The following NCF2 variants were observed in gnomAD, a reference collection of about 807,000 sequenced individuals.
The protein encoded by NCF2 is neutrophil cytosol factor 2.
A neutral mutation model predicts 70.9 loss-of-function variants in NCF2; 45 were observed. That is an observed-to-expected ratio of 0.63 (90% CI 0.50 to 0.81). The LOEUF (loss-of-function observed/expected upper bound fraction) is 0.81, where lower values mean the gene tolerates loss of function less well. Among genes scored for constraint, NCF2 ranks in the 40% least tolerant of loss-of-function variants. The pLI, the probability that NCF2 is intolerant of heterozygous loss-of-function variation, is 0.00. For synonymous variants in NCF2, 203 were observed against 233.6 expected, an observed-to-expected ratio of 0.87 and a Z score of 1.19; for missense variants, 522 against 631.6, an observed-to-expected ratio of 0.83 and a Z score of 1.86.
At chr1:183,573,162 G>C (rs773499272) in intron 5 of NCF2, 23 bp downstream of exon 5, 73 of 1,608,574 alleles carry the variant, frequency 4.5e-5, no homozygotes, top group Non-Finnish European at 6.1e-5. Context: ...GAGACTCAGG[G>C]GAAGCTGAGC....
At chr1:183,580,983 A>G (rs1362820876) in intron 2 of NCF2, among the ~76,000 whole-genome samples, 1 of 151,550 alleles carries the variant, frequency 6.6e-6, no homozygotes, top group Non-Finnish European at 1.5e-5. Flanking sequence ...CAACTCAAAA[A>G]AAAAAAAAAG....
intron 2 of NCF2, among the ~76,000 whole-genome samples, chr1:183,584,324 G>C (rs1558105357): frequency 1.3e-5 from 2 of 152,198 alleles, no homozygotes; most frequent in Non-Finnish European, 2.9e-5. Flanking sequence ...AACTTCAAAG[G>C]GAATACCAAC....
chr1:183,590,503 C>G (rs967992478), upstream of NCF2: 41 of 723,966 alleles, frequency 5.7e-5, no homozygotes, highest in Non-Finnish European at 9.3e-5. Flanking sequence ...GTTGCAAATG[C>G]ATCAGGAAAT....
At chr1:183,592,171 T>C (rs1673683482), upstream of NCF2, among the ~76,000 whole-genome samples, 1 of 152,104 alleles carries the variant, frequency 6.6e-6, no homozygotes, top group African/African-American at 2.4e-5. Context: ...TCACCAAGCT[T>C]CCCCTAAAAG....
intron 2 of NCF2, among the ~76,000 whole-genome samples, chr1:183,582,186 T>A (rs1673148769): frequency 6.6e-6 from 1 of 152,212 alleles, no homozygotes. Flanking sequence ...TGTGTGCCAG[T>A]GGGCCGTGCT....
chr1:183,601,763 C>T, the NCF2 span, among the ~76,000 whole-genome samples: 3 of 150,024 alleles, frequency 2.0e-5, no homozygotes, highest in Admixed American at 1.3e-4. Context: ...GAGGCTGAGG[C>T]AGAAGAATGG....
At chr1:183,580,491 C>G (rs1673009733) in intron 2 of NCF2, among the ~76,000 whole-genome samples, 1 of 152,114 alleles carries the variant, frequency 6.6e-6, no homozygotes, top group Non-Finnish European at 1.5e-5. Flanking sequence ...GTTCTATTGC[C>G]TGTTTGGGAG....
At chr1:183,557,697 A>G (rs1273111131) in intron 14 of NCF2, among the ~76,000 whole-genome samples, 2 of 152,032 alleles carry the variant, frequency 1.3e-5, no homozygotes, top group African/African-American at 2.4e-5. Context: ...ATCTACCCAA[A>G]AGGTTGTTTT....
At position 183,564,012 on chromosome 1, in the gene NCF2, T is replaced by C; in HGVS notation, c.1019A>G (p.Glu340Gly). The C allele has an allele frequency of 6.2e-7, 1 of 1,610,996 alleles. No homozygotes were observed. Among genetic ancestry groups the C allele is most frequent in the Non-Finnish European group, 8.5e-7 (1 of 1,177,132 alleles). Residue 340 changes from glutamate (E) to glycine (G), a missense_variant, in exon 11 of 15, where the codon GAG (glutamate) becomes GGG (glycine). Transcript: ENST00000367535. ...QLSPGQKQKE[E>G]PKEVKLSVPM... is the part of the protein sequence containing the mutation. Reference sequence around the variant, plus strand: ...ATGAGGGAAAAATGTTACCTTAGGCTCTTCTTTTTGTTTCTGGCCTGAATG... The same window carrying C: ...ATGAGGGAAAAATGTTACCTTAGGCCCTTCTTTTTGTTTCTGGCCTGAATG...
intron 13 of NCF2, among the ~76,000 whole-genome samples, chr1:183,562,715 C>T (rs1266185095): frequency 6.6e-6 from 1 of 151,854 alleles, no homozygotes; most frequent in Non-Finnish European, 1.5e-5. Context: ...TGCCTGTAAT[C>T]CCAGCTACTC....
intron 2 of NCF2, among the ~76,000 whole-genome samples, chr1:183,581,889 G>C (rs958799661): frequency 1.3e-5 from 2 of 152,216 alleles, no homozygotes; most frequent in African/African-American, 2.4e-5. Flanking sequence ...GGATGGTCTC[G>C]ATCTCCTTAC....
intron 1 of NCF2, among the ~76,000 whole-genome samples, chr1:183,589,013 C>G (rs1405795425): frequency 1.3e-5 from 2 of 152,216 alleles, no homozygotes; most frequent in Non-Finnish European, 2.9e-5. Context: ...TCAGCAGGCC[C>G]CTGAGAGGAG....
chr1:183,564,123 T>C, intron 10 of NCF2, 93 bp from the exon 11 acceptor site: 2 of 1,258,664 alleles, frequency 1.6e-6, no homozygotes. Flanking sequence ...CCTCTTCAAA[T>C]AGGGCCCCCA....
intron 2 of NCF2, among the ~76,000 whole-genome samples, 190 bp from the exon 3 acceptor site, chr1:183,577,897 TC>T (rs997479709): frequency 6.6e-6 from 1 of 152,048 alleles, no homozygotes; most frequent in Non-Finnish European, 1.5e-5. Context: ...GGAATGGTGT[TC>T]CCCCCAGGGC....
intron 4 of NCF2, among the ~76,000 whole-genome samples, chr1:183,573,818 G>A (rs905399257): frequency 1.3e-5 from 2 of 152,224 alleles, no homozygotes; most frequent in Admixed American, 6.5e-5. Flanking sequence ...AGGCAGGTGC[G>A]GTGGCTCATG....
intron 2 of NCF2, among the ~76,000 whole-genome samples, chr1:183,581,516 C>T (rs899700616): frequency 1.3e-5 from 2 of 151,724 alleles, no homozygotes; most frequent in Non-Finnish European, 2.9e-5. Flanking sequence ...GTTATAGAGA[C>T]GGGGGTCTCA....
At position 183,574,925 on chromosome 1, in the gene NCF2, AAAG is replaced by A. The variant is rs1248089988; in HGVS notation, c.367-307_367-305del. ...CAGTGTGTTCAAACCAGGTTAAAAAAAAGAAGAAGAATTGTTGTGTTGTTTTAG... is the reference window on the plus strand; with the variant it reads ...CAGTGTGTTCAAACCAGGTTAAAAAAAAGAAGAATTGTTGTGTTGTTTTAG... On this transcript the variant is annotated intron_variant, in intron 3 of 14. Transcript: ENST00000367535. 5.9e-5 allele frequency among the ~76,000 whole-genome samples: 9 copies of A among 152,240 alleles called. 1 individual carries two copies. The highest frequency in any genetic ancestry group is 8.8e-5 in the Non-Finnish European group (6 of 68,044).
At chr1:183,559,042 G>A (rs1324042267) in intron 14 of NCF2, among the ~76,000 whole-genome samples, 3 of 152,222 alleles carry the variant, frequency 2.0e-5, no homozygotes, top group Non-Finnish European at 4.4e-5. Context: ...CCACGAGTTG[G>A]AATGGTGCTT....
chr1:183,577,483 G>A (rs756529637), intron 3 of NCF2, 116 bp downstream of exon 3: 4 of 810,274 alleles, frequency 4.9e-6, no homozygotes, highest in Non-Finnish European at 8.7e-6. Flanking sequence ...GGCAGAGGAG[G>A]CAAAATGGCT....
Sources: allele counts gnomAD v4.1 joint callset (sites outside exome capture counted in the v4.1 genomes callset), GRCh38; gene constraint gnomAD v4.1.1; transcripts MANE v1.5; gene names NCBI Gene and HGNC (gene_info 2026-07-23, HGNC 2026-07-21).